The following RAPGEFL1 variants were observed in gnomAD, a reference collection of about 807,000 sequenced individuals.
The protein encoded by RAPGEFL1 is Rap guanine nucleotide exchange factor like 1, also known as rap guanine nucleotide exchange factor-like 1.
Under a neutral mutation model 64.4 loss-of-function variants are expected in RAPGEFL1, and 31 were observed. That is an observed-to-expected ratio of 0.48 (90% CI 0.36 to 0.65). The LOEUF is 0.65. RAPGEFL1 is among the 30% of genes least tolerant of loss of function. The pLI is 0.00. For missense variants in RAPGEFL1, 682 were observed against 677.4 expected (o/e 1.01, Z -0.08); for synonymous variants, 331 against 274.1 (o/e 1.21, Z -2.05).
chr17:40,189,434 C>A, intron 6 of RAPGEFL1, 59 bp downstream of exon 6: 1 of 1,576,938 alleles, frequency 6.3e-7, no homozygotes, highest in Non-Finnish European at 8.7e-7. Flanking sequence ...AAGCTCAGGG[C>A]TCTGGGGGAG....
At position 40,195,010 on chromosome 17, in the gene RAPGEFL1, G is replaced by A. The variant is rs1297320019; in HGVS notation, c.*1222G>A. ...GGGGCTCCTGGCAGCTACTGGGTGA[G>A]GTTTCCTGGCACAGACTCACCCTTC... is the stretch of plus-strand genomic sequence containing the variant. On this transcript the variant is annotated 3_prime_UTR_variant, in exon 15 of 15. Transcript: ENST00000620260. The A allele has an allele frequency of 6.6e-6, 1 of 152,620 alleles. No homozygotes were observed. The highest frequency in any genetic ancestry group is 1.9e-4 in the East Asian group (1 of 5,192). The allele number at this position is 152,620 out of a possible 1,614,324, so 9.5% of individuals were successfully genotyped here.
chr17:40,184,517 C>G (rs1989999784), intron 3 of RAPGEFL1, 64 bp from the exon 4 acceptor site: 1 of 1,216,038 alleles, frequency 8.2e-7, no homozygotes, highest in Admixed American at 2.4e-5. Flanking sequence ...TTGCCCGGCC[C>G]CTGCAGAGAG....
rs747577790 is a variant in RAPGEFL1, at chr17:40,184,613, C to T, written c.768C>T (p.Ser256=). 4 of 1,582,968 alleles carry T rather than the reference C, an allele frequency of 2.5e-6. No individual in the cohort carries two copies. The South Asian group carries it at 3.4e-5, about 13-fold the overall frequency. The stretch of plus-strand genomic sequence containing the variant: ...ACCTGCTAATTATGAAGGACGAGTC[C>T]CTTTACCAGGGCCTCCGAGAGGACA... ...DLYLLIMKDE[S]LYQGLREDTL... Residue 256 remains serine, a synonymous_variant, in exon 4 of 15, where the codon TCC becomes TCT. Coordinates refer to ENST00000620260, the MANE Select transcript of RAPGEFL1 (RefSeq NM_016339.6).
chr17:40,177,026 G>A (rs2145193977), upstream of RAPGEFL1: 1 of 701,362 alleles, frequency 1.4e-6, no homozygotes, highest in South Asian at 1.5e-5. Context: ...CCCTACCAGA[G>A]AGGACAGATG....
chr17:40,191,275 C>A lies in RAPGEFL1; in HGVS notation c.1336-41C>A. The A allele has an allele frequency of 2.0e-6, 3 of 1,511,576 alleles. No individual in the cohort carries two copies. The highest frequency in any genetic ancestry group is 1.2e-5 in the South Asian group (1 of 80,372). The allele number at this position is 1,511,576 out of a possible 1,614,324, so 93.6% of individuals were successfully genotyped here. A position where few individuals can be genotyped will look rare whatever the true frequency, so the allele number is the denominator to read the frequency against. ...CCATCTTCCCACCCACTCCCCTCAC[C>A]CCCTGGCGCCCTGGCCGCCCCTCCG... On this transcript the variant is annotated intron_variant, in intron 8 of 14. Coordinates refer to ENST00000620260, the MANE Select transcript of RAPGEFL1 (RefSeq NM_016339.6). This position sits in a 1 kb window ranked among gnomAD's most constrained non-coding sequence, Gnocchi z 5.1.
Position 40,191,545 on chromosome 17 carries a change from C to A in RAPGEFL1, c.1515-37C>A, listed in dbSNP as rs1990269992. 1 of 1,556,012 alleles carries A rather than the reference C, an allele frequency of 6.4e-7. No homozygotes were observed. Among genetic ancestry groups the A allele is most frequent in the Non-Finnish European group, 8.7e-7 (1 of 1,152,598 alleles). ...GGGGCCGGAGGCCGGAGGCCCGCGC[C>A]GCCGCCCGCCCCTGACCCCGCCTCC... On this transcript the variant is annotated intron_variant, in intron 9 of 14. Transcript: ENST00000620260. The surrounding 1 kb of genome is among the most constrained non-coding windows in gnomAD (Gnocchi z 5.1).
At chr17:40,183,625 TTA>T (rs1459762863) in intron 2 of RAPGEFL1, among the ~76,000 whole-genome samples, 2 of 149,764 alleles carry the variant, frequency 1.3e-5, no homozygotes, top group South Asian at 2.1e-4. Context: ...GTTCAAGTGA[TTA>T]TCTTGCCTCA....
Position 40,192,280 on chromosome 17 carries a change from C to T in RAPGEFL1, c.1656+17C>T. The T allele has an allele frequency of 6.2e-7, 1 of 1,612,256 alleles. No individual in the cohort carries two copies. The highest frequency in any genetic ancestry group is 1.1e-5 in the South Asian group (1 of 91,046). ...AACCTGACGGTGAGTGGGTTTGGCT[C>T]TTTCTTCTGCTCTTGGACTGAGAGC... On this transcript the variant is annotated intron_variant, in intron 11 of 14. Transcript: ENST00000620260.
chr17:40,184,551 C>T (rs1186038553), intron 3 of RAPGEFL1, 30 bp from the exon 4 acceptor site: 2 of 1,389,464 alleles, frequency 1.4e-6, no homozygotes, highest in Admixed American at 4.2e-5. Context: ...GAGACCCCTT[C>T]CTTCACCTTC....
intron 1 of RAPGEFL1, among the ~76,000 whole-genome samples, chr17:40,178,922 G>C (rs1054998787): frequency 7.2e-5 from 11 of 152,166 alleles, no homozygotes; most frequent in Non-Finnish European, 1.3e-4. Flanking sequence ...GCAGTTTGGT[G>C]GGGGGGATAG....
chr17:40,177,494 G>GCGCAGCCGC lies in RAPGEFL1; in HGVS notation c.-364_-356dup. The GCGCAGCCGC allele has an allele frequency of 1.6e-6, 1 of 610,796 alleles. No homozygotes were observed. The highest frequency in any genetic ancestry group is 1.8e-5 in the South Asian group (1 of 54,182). 37.8% of individuals were successfully genotyped at this position (610,796 alleles called of 1,614,324 possible). On this transcript the variant is annotated 5_prime_UTR_variant, in exon 1 of 15. Transcript: ENST00000620260. ...ACCTTCCCCCTCTTCACGGCCAGGA[G>GCGCAGCCGC]CGCAGCCGCCGCCGCCGCCGCCGCC...
At chr17:40,184,719 C>A (rs780642548) in intron 4 of RAPGEFL1, 41 bp downstream of exon 4, 3 of 1,249,210 alleles carry the variant, frequency 2.4e-6, no homozygotes, top group African/African-American at 1.5e-5. Context: ...GGAAAGTGGT[C>A]CCCTGCGTTC....
Position 40,193,393 on chromosome 17 carries a change from C to G in RAPGEFL1, c.1840C>G (p.Arg614Gly). The G allele has an allele frequency of 6.2e-7, 1 of 1,614,170 alleles. No homozygotes were observed. Among genetic ancestry groups the G allele is most frequent in the Non-Finnish European group, 8.5e-7 (1 of 1,180,040 alleles). Reference protein sequence around the residue: ...HSVAEKVRTIRKYRSRPLCLD... With the variant: ...HSVAEKVRTIGKYRSRPLCLD... ...AGTGGCCGAAAAAGTGAGGACAATC[C>G]GCAAATACCGGAGCCGGCCCCTTTG... Residue 614 changes from arginine to glycine, a missense_variant, in exon 14 of 15, where the codon CGC becomes GGC. Around this residue, in one of 2 missense-constraint regions of RAPGEFL1, gnomAD observed 411 missense variants for 519.4 expected, o/e 0.79. Coordinates refer to ENST00000620260, the MANE Select transcript of RAPGEFL1 (RefSeq NM_016339.6).
chr17:40,190,891 G>A (rs1257739744), intron 8 of RAPGEFL1, 129 bp downstream of exon 8: 2 of 1,396,576 alleles, frequency 1.4e-6, no homozygotes, highest in Non-Finnish European at 1.9e-6. Context: ...ACGCATGGCC[G>A]TAACCTTTGT....
intron 6 of RAPGEFL1, 144 bp from the exon 7 acceptor site, chr17:40,190,290 G>A: frequency 1.5e-6 from 1 of 648,508 alleles, no homozygotes; most frequent in South Asian, 1.8e-5. Flanking sequence ...GATAAATATG[G>A]CATAAACTAG....
At chr17:40,182,917 G>A (rs951799446) in intron 2 of RAPGEFL1, among the ~76,000 whole-genome samples, 1 of 152,184 alleles carries the variant, frequency 6.6e-6, no homozygotes, top group Non-Finnish European at 1.5e-5. Flanking sequence ...GGAGGCTGGG[G>A]CGGGTGGATC....
chr17:40,189,449 A>G, intron 6 of RAPGEFL1, 74 bp downstream of exon 6: 2 of 1,520,490 alleles, frequency 1.3e-6, no homozygotes, highest in South Asian at 1.2e-5. Flanking sequence ...GGGGAGGGGT[A>G]GAGACTGAAT....
Position 40,191,432 on chromosome 17 carries a change from G to T in RAPGEFL1, c.1452G>T (p.Leu484=). Residue 484 remains leucine (L), a synonymous_variant, in exon 9 of 15, where the codon CTG becomes CTT. Transcript: ENST00000620260. The surrounding 1 kb of genome is among the most constrained non-coding windows in gnomAD (Gnocchi z 5.1). ...EVTHWVATEV[L]LCEAPGKRAQ... ...CGCACTGGGTGGCCACCGAAGTGCT[G>T]CTCTGCGAGGCCCCGGGCAAGCGCG... 1 of 1,606,876 alleles carries T rather than the reference G, an allele frequency of 6.2e-7. No individual in the cohort carries two copies. The highest frequency in any genetic ancestry group is 8.5e-7 in the Non-Finnish European group (1 of 1,178,706).
rs56304903 is a variant in RAPGEFL1, at chr17:40,190,550, C to G, written c.1212+19C>G. 0.15 allele frequency: 243,600 copies of G among 1,613,904 alleles called. 21,120 individuals carry two copies. The highest frequency in any genetic ancestry group is 0.34 in the African/African-American group (25,498 of 74,932). ...GGCTCTGGTAAGAACTTCCCAAGGC[C>G]TTGACTGGAATGGAGGGCTGAGGAG... On this transcript the variant is annotated intron_variant, in intron 7 of 14. Coordinates refer to ENST00000620260, the MANE Select transcript of RAPGEFL1 (RefSeq NM_016339.6).
Sources: allele counts gnomAD v4.1 joint callset (sites outside exome capture counted in the v4.1 genomes callset), GRCh38; gene constraint gnomAD v4.1.1; regional missense constraint gnomAD v4.1.1; non-coding constraint Gnocchi (gnomAD v3.1); transcripts MANE v1.5; gene names NCBI Gene and HGNC (gene_info 2026-07-23, HGNC 2026-07-21).